The following CSN1S1 variants were observed in gnomAD, a reference collection of about 807,000 sequenced individuals.
CSN1S1 encodes the protein alpha-S1-casein.
In CSN1S1, 63 loss-of-function variants were observed where a neutral mutation model predicts 49.1. The ratio of observed to expected loss-of-function variants is 1.28; its 90% CI spans 1.05 to 1.58. The LOEUF is 1.58. Ranked by LOEUF, CSN1S1 falls within the 40% of genes most tolerant of loss-of-function variation. The pLI is 0.00. For synonymous variants in CSN1S1, 78 were observed against 67.1 expected (o/e 1.16, Z -0.79); for missense variants, 260 against 224.7 (o/e 1.16, Z -1.01).
At position 69,944,833 on chromosome 4, in the gene CSN1S1, A is replaced by T. The variant is rs376968377; in HGVS notation, c.403-17A>T. On this transcript the variant is annotated splice_polypyrimidine_tract_variant and intron_variant, in intron 14 of 15. Coordinates refer to ENST00000246891, the MANE Select transcript of CSN1S1 (RefSeq NM_001890.2). ...ATTGCTCATACACTGTTGCTTTTCAAATGTTTTTCCCTCTAGCCTTTCCAG... is the reference window on the plus strand; with the variant it reads ...ATTGCTCATACACTGTTGCTTTTCATATGTTTTTCCCTCTAGCCTTTCCAG... 3.7e-5 allele frequency: 60 copies of T among 1,610,548 alleles called. No homozygotes were observed. The highest frequency in any genetic ancestry group is 8.0e-5 in the African/African-American group (6 of 74,756).
chr4:69,932,395 C>A, intron 1 of CSN1S1, 149 bp from the exon 2 acceptor site: 2 of 588,648 alleles, frequency 3.4e-6, no homozygotes, highest in African/African-American at 1.9e-5. Context: ...TTTTTAAAAT[C>A]TTAAGTTTAT....
intron 13 of CSN1S1, 110 bp downstream of exon 13, chr4:69,942,173 C>G: frequency 1.1e-5 from 7 of 637,386 alleles, no homozygotes; most frequent in Non-Finnish European, 1.8e-5. Context: ...AGTGTTCTAC[C>G]AACACTATCT....
At chr4:69,942,016 T>C (rs1426973766) in intron 12 of CSN1S1, 30 bp from the exon 13 acceptor site, 7 of 1,401,512 alleles carry the variant, frequency 5.0e-6, no homozygotes, top group East Asian at 2.5e-5. Flanking sequence ...AAAATGAAAA[T>C]ACTAAAACAG....
intron 5 of CSN1S1, 143 bp from the exon 6 acceptor site, chr4:69,936,313 T>C: frequency 1.4e-6 from 1 of 712,872 alleles, no homozygotes; most frequent in East Asian, 2.7e-5. Flanking sequence ...AATGATATAA[T>C]AAGGAATATT....
At chr4:69,934,511 T>C (rs1722708501) in intron 3 of CSN1S1, among the ~76,000 whole-genome samples, 179 bp from the exon 4 acceptor site, 1 of 152,152 alleles carries the variant, frequency 6.6e-6, no homozygotes, top group Admixed American at 6.6e-5. Flanking sequence ...TTTATTTTAA[T>C]GTATTCTTGC....
At chr4:69,939,942 T>C in intron 10 of CSN1S1, 79 bp from the exon 11 acceptor site, 1 of 841,904 alleles carries the variant, frequency 1.2e-6, no homozygotes, top group Non-Finnish European at 1.8e-6. Context: ...TAGTAATAGT[T>C]TTGTTGATTC....
chr4:69,939,237 C>T (rs1319479044), intron 10 of CSN1S1, 29 bp downstream of exon 10: 4 of 1,533,066 alleles, frequency 2.6e-6, no homozygotes, highest in African/African-American at 1.4e-5. Context: ...AATTCTGTGT[C>T]CCAACTAATT....
chr4:69,942,666 G>GATT lies in CSN1S1; in HGVS notation c.402+90_402+92dup. Reference sequence around the variant, plus strand: ...TTAAATAGCCCCCTACTCTTGAAGAGATTTTTTTCTTCTCAAACATTTCTC... The same window carrying GATT: ...TTAAATAGCCCCCTACTCTTGAAGAGATTATTTTTTTCTTCTCAAACATTTCTC... On this transcript the variant is annotated intron_variant, in intron 14 of 15. Transcript: ENST00000246891. The GATT allele has an allele frequency of 2.9e-6, 3 of 1,023,854 alleles. No individual in the cohort carries two copies. In the South Asian group the frequency reaches 4.6e-5, roughly 16 times the overall value. The allele number at this position is 1,023,854 out of a possible 1,614,324, so 63.4% of individuals were successfully genotyped here.
chr4:69,940,701 T>A (rs1028576886), intron 11 of CSN1S1, among the ~76,000 whole-genome samples: 10 of 151,842 alleles, frequency 6.6e-5, no homozygotes, highest in Non-Finnish European at 1.5e-4. Flanking sequence ...CAAAGTTAAA[T>A]CTTCACAGTC....
At position 69,940,053 on chromosome 4, in the gene CSN1S1, T is replaced by C. The variant is rs1376532354; in HGVS notation, c.300+9T>C. 1 of 1,358,298 alleles carries C rather than the reference T, an allele frequency of 7.4e-7. No individual in the cohort carries two copies. The highest frequency in any genetic ancestry group is 1.5e-5 in the African/African-American group (1 of 66,786). 84.1% of individuals were successfully genotyped at this position (1,358,298 alleles called of 1,614,324 possible). ...CTCTCAGTAAGTGTGCGGTAAGACA[T>C]ATTTGCTAAATTTAAAATATATTAA... On this transcript the variant is annotated intron_variant, in intron 11 of 15. Coordinates refer to ENST00000246891, the MANE Select transcript of CSN1S1 (RefSeq NM_001890.2).
chr4:69,934,836 A>C, intron 4 of CSN1S1, 126 bp downstream of exon 4: 1 of 791,614 alleles, frequency 1.3e-6, no homozygotes, highest in Non-Finnish European at 2.1e-6. Flanking sequence ...CCAACAACTC[A>C]AGTACCTGGA....
chr4:69,934,338 C>CATAG, intron 3 of CSN1S1, 94 bp downstream of exon 3: 1 of 1,255,384 alleles, frequency 8.0e-7, no homozygotes, highest in Non-Finnish European at 1.1e-6. Flanking sequence ...CAGCCTGCTT[C>CATAG]ACTTTTGCTG....
chr4:69,942,929 T>G (rs1314061791), intron 14 of CSN1S1, among the ~76,000 whole-genome samples: 1 of 147,754 alleles, frequency 6.8e-6, no homozygotes, highest in Non-Finnish European at 1.5e-5. Context: ...TGATTCAATT[T>G]ATGTACAACA....
chr4:69,935,931 A>G lies in CSN1S1; in HGVS notation c.111A>G (p.Ile37Met). Residue 37 changes from isoleucine (I) to methionine (M), a missense_variant, in exon 5 of 16, where the codon ATA (isoleucine) becomes ATG (methionine). Ile to Met is a conservative substitution (Grantham distance 10). Coordinates refer to ENST00000246891, the MANE Select transcript of CSN1S1 (RefSeq NM_001890.2). ...CATAACTTTTTTTTTTGTAGCCTAT[A>G]CCATTAGAATCAAGAGAGGTAAGAA... Reference protein sequence around the residue: ...LQNPSESSEPIPLESREEYMN... With the variant: ...LQNPSESSEPMPLESREEYMN... 6.5e-7 allele frequency: 1 copy of G among 1,533,030 alleles called. No homozygotes were observed. The highest frequency in any genetic ancestry group is 1.2e-5 in the South Asian group (1 of 82,456). 95.0% of individuals were successfully genotyped at this position (1,533,030 alleles called of 1,614,324 possible). A position where few individuals can be genotyped will look rare whatever the true frequency, so the allele number is the denominator to read the frequency against.
At position 69,937,936 on chromosome 4, in the gene CSN1S1, A is replaced by T. The variant is rs1226330773; in HGVS notation, c.243+113A>T. 4 of 631,380 alleles carry T rather than the reference A, an allele frequency of 6.3e-6. No individual in the cohort carries two copies. In the East Asian group the frequency reaches 9.8e-5, roughly 15 times the overall value. 39.1% of individuals were successfully genotyped at this position (631,380 alleles called of 1,614,324 possible). A position where few individuals can be genotyped will look rare whatever the true frequency, so the allele number is the denominator to read the frequency against. On this transcript the variant is annotated intron_variant, in intron 9 of 15. Coordinates refer to ENST00000246891, the MANE Select transcript of CSN1S1 (RefSeq NM_001890.2). Reference sequence around the variant, plus strand: ...GAAATTAAGCAAAATAAGAAACTGAATTTTAAAATGTTAACATTTTAATTT... The same window carrying T: ...GAAATTAAGCAAAATAAGAAACTGATTTTTAAAATGTTAACATTTTAATTT...
In CSN1S1 at chr4:69,946,364, A is replaced by T. The variant is rs1178909481; in HGVS notation, c.*168A>T. 2.0e-5 allele frequency: 6 copies of T among 302,682 alleles called. No homozygotes were observed. The highest frequency in any genetic ancestry group is 2.5e-4 in the South Asian group (2 of 7,916). 18.7% of individuals were successfully genotyped at this position (302,682 alleles called of 1,614,324 possible). On this transcript the variant is annotated 3_prime_UTR_variant, in exon 16 of 16. Transcript: ENST00000246891. ...TCTTTTTCTTAAGCTAAATTTTCCT[A>T]GAGAGTTTATTGTCTAAATTTCAGT...
At chr4:69,937,715 G>T in intron 8 of CSN1S1, 85 bp from the exon 9 acceptor site, 2 of 1,044,832 alleles carry the variant, frequency 1.9e-6, no homozygotes, top group Admixed American at 2.7e-5. Flanking sequence ...TATTTTCTTT[G>T]ACATCCATTT....
Position 69,934,689 on chromosome 4 carries a change from G to C in CSN1S1, c.85-1G>C. 6.2e-7 allele frequency: 1 copy of C among 1,608,068 alleles called. No homozygotes were observed. The highest frequency in any genetic ancestry group is 8.5e-7 in the Non-Finnish European group (1 of 1,175,582). The stretch of plus-strand genomic sequence containing the variant: ...CATTTAAAAATTATTATTTTTTACA[G>C]AATCCATCAGAGAGCAGTGAGGTAA... On this transcript the variant is annotated splice_acceptor_variant, in intron 3 of 15. Transcript: ENST00000246891. LOFTEE classifies it high-confidence loss of function.
At position 69,942,565 on chromosome 4, in the gene CSN1S1, C is replaced by T. The variant is rs1209002333; in HGVS notation, c.390C>T (p.Ser130=). The change falls in exon 14 of 16, where the codon AGC becomes AGT. Residue 130 remains serine (S), a synonymous_variant. Coordinates refer to ENST00000246891, the MANE Select transcript of CSN1S1 (RefSeq NM_001890.2). ...AAATTCGCAGAATGAATGAAAACAGCCATGTCCAAGTGGTAATATTTTGCT... is the reference window on the plus strand; with the variant it reads ...AAATTCGCAGAATGAATGAAAACAGTCATGTCCAAGTGGTAATATTTTGCT... ...QEQIRRMNEN[S]HVQVPFQQLN... 6.3e-7 allele frequency: 1 copy of T among 1,586,560 alleles called. No homozygotes were observed. Among genetic ancestry groups the T allele is most frequent in the Non-Finnish European group, 8.6e-7 (1 of 1,164,558 alleles).
Sources: gnomAD v4.1 joint callset for allele counts (sites outside exome capture counted in the v4.1 genomes callset) on GRCh38, gnomAD v4.1.1 for gene constraint, MANE v1.5 for transcripts, NCBI Gene and HGNC (gene_info 2026-07-23, HGNC 2026-07-21) for gene names.